FOXJ3: variants seen among roughly 807,000 people sequenced by gnomAD.
FOXJ3 encodes forkhead box J3.
A neutral mutation model predicts 76.1 loss-of-function variants in FOXJ3; 22 were observed. That is an observed-to-expected ratio of 0.29 (90% CI 0.21 to 0.41). The LOEUF (loss-of-function observed/expected upper bound fraction) is 0.41. Ranked by LOEUF, FOXJ3 falls within the 10% of genes least tolerant of loss-of-function variation. FOXJ3 has a pLI of 1.00. For missense variants in FOXJ3, 613 were observed against 762.1 expected, an observed-to-expected ratio of 0.80 and a Z score of 2.30; for synonymous variants, 269 against 261.2, an observed-to-expected ratio of 1.03 and a Z score of -0.29.
chr1:42,243,868 C>A (rs1413337256), intron 4 of FOXJ3, among the ~76,000 whole-genome samples: 2 of 152,158 alleles, frequency 1.3e-5, no homozygotes, highest in African/African-American at 2.4e-5. Flanking sequence ...CTGCAGAATA[C>A]CCGTTGTTCC....
intron 4 of FOXJ3, among the ~76,000 whole-genome samples, chr1:42,235,060 G>C (rs1352227310): frequency 6.6e-6 from 1 of 152,198 alleles, no homozygotes; most frequent in Non-Finnish European, 1.5e-5. Flanking sequence ...CCCAGTTGGA[G>C]CTTCCTGGCC....
intron 3 of FOXJ3, among the ~76,000 whole-genome samples, chr1:42,266,964 A>G (rs1651510958): frequency 1.3e-5 from 2 of 152,032 alleles, no homozygotes; most frequent in African/African-American, 4.8e-5. Context: ...GGAAAAGTAG[A>G]AGCAAATCCC....
In FOXJ3 at chr1:42,324,079, A is replaced by AGTATATACACAGT. The variant is rs1553170565; in HGVS notation, c.-18+10979_-18+10980insACTGTGTATATAC. ...CACTGTATATACACAGTGTATATAT[A>AGTATATACACAGT]GTATATATACTGTATATATACTGTG... On this transcript the variant is annotated intron_variant, in intron 1 of 12. Coordinates refer to ENST00000361346, the MANE Select transcript of FOXJ3 (RefSeq NM_014947.5). Among the ~76,000 whole-genome samples, 413 of 74,226 alleles carry AGTATATACACAGT rather than the reference A, an allele frequency of 5.6e-3. 19 individuals carry two copies. The highest frequency in any genetic ancestry group is 0.024 in the African/African-American group (365 of 15,244). The allele number at this position is 74,226 out of a possible 152,430, so 48.7% of individuals were successfully genotyped here.
intron 1 of FOXJ3, among the ~76,000 whole-genome samples, chr1:42,316,659 G>A (rs1204167696): frequency 6.6e-6 from 1 of 152,124 alleles, no homozygotes. Context: ...TCCTTCATAA[G>A]AATGGAAAAA....
At chr1:42,180,110 A>C (rs1020924235) in intron 12 of FOXJ3, among the ~76,000 whole-genome samples, 2 of 152,198 alleles carry the variant, frequency 1.3e-5, no homozygotes, top group Non-Finnish European at 2.9e-5. Context: ...GGCTGCAGTA[A>C]GGAAGACACG....
Position 42,304,731 on chromosome 1 carries a change from T to C in FOXJ3, c.44+6319A>G, listed in dbSNP as rs1022634579. On this transcript the variant is annotated intron_variant, in intron 2 of 12. Transcript: ENST00000361346. ...CATTAGACCCCTATTCCTTGCCATATACAAAAATCAAACCAAAATGGATTA... is the reference window on the plus strand; with the variant it reads ...CATTAGACCCCTATTCCTTGCCATACACAAAAATCAAACCAAAATGGATTA... Among the ~76,000 whole-genome samples, 5 of 152,156 alleles carry C rather than the reference T, an allele frequency of 3.3e-5. No homozygotes were observed. The East Asian group carries it at 9.6e-4, about 29-fold the overall frequency.
chr1:42,267,774 A>G (rs1204162814), intron 3 of FOXJ3, among the ~76,000 whole-genome samples: 1 of 152,160 alleles, frequency 6.6e-6, no homozygotes, highest in East Asian at 1.9e-4. Context: ...TGTGAAAACT[A>G]AAGAAAGAGA....
chr1:42,195,166 AAAG>A, intron 7 of FOXJ3, 102 bp from the exon 8 acceptor site: 2 of 860,808 alleles, frequency 2.3e-6, no homozygotes, highest in South Asian at 4.4e-5. Flanking sequence ...ATTGGAATTC[AAAG>A]AAAATAACTC....
At chr1:42,264,752 CTG>C (rs1651339684) in intron 4 of FOXJ3, among the ~76,000 whole-genome samples, 1 of 152,184 alleles carries the variant, frequency 6.6e-6, no homozygotes, top group East Asian at 1.9e-4. Context: ...AACAGAGAAA[CTG>C]TTTTATTCCA....
rs978349707 is a variant in FOXJ3 at position 42,230,546 on chromosome 1, A to G, written c.445-2580T>C. ...CATAGTTTGAAGGTAATTTTTTGTA[A>G]TAATTTTAATAATTTTCTGCATGAA... On this transcript the variant is annotated intron_variant, in intron 4 of 12. Coordinates refer to ENST00000361346, the MANE Select transcript of FOXJ3 (RefSeq NM_014947.5). Among the ~76,000 whole-genome samples the G allele has an allele frequency of 4.6e-5, 7 of 152,334 alleles. No homozygotes were observed. The South Asian group carries it at 1.4e-3, about 32-fold the overall frequency.
chr1:42,325,470 G>C (rs1655773423), intron 1 of FOXJ3, among the ~76,000 whole-genome samples: 1 of 152,204 alleles, frequency 6.6e-6, no homozygotes, highest in South Asian at 2.1e-4. Context: ...TGTAGTCTTT[G>C]CTGGCAGGGA....
At chr1:42,260,731 G>A (rs1650969212) in intron 4 of FOXJ3, among the ~76,000 whole-genome samples, 2 of 152,148 alleles carry the variant, frequency 1.3e-5, no homozygotes, top group Non-Finnish European at 2.9e-5. Flanking sequence ...TCTCTTAGCA[G>A]TGAATTTGTT....
chr1:42,189,665 G>C (rs1002662662), intron 9 of FOXJ3: 1 of 348,090 alleles, frequency 2.9e-6, no homozygotes, highest in African/African-American at 2.1e-5. Context: ...ATGAATCTAA[G>C]ACTTGAACCC....
chr1:42,332,158 T>C (rs985428240), intron 1 of FOXJ3, among the ~76,000 whole-genome samples: 3 of 152,252 alleles, frequency 2.0e-5, no homozygotes, highest in Non-Finnish European at 4.4e-5. Context: ...TGATGCACTT[T>C]CTGGTTCTTC....
intron 4 of FOXJ3, among the ~76,000 whole-genome samples, chr1:42,236,397 C>T (rs1344034386): frequency 3.9e-5 from 6 of 152,142 alleles, no homozygotes; most frequent in East Asian, 1.9e-4. Flanking sequence ...GGTCTTGCTA[C>T]GTTGCCCAAG....
At chr1:42,199,028 A>G in intron 7 of FOXJ3, 74 bp downstream of exon 7, 1 of 1,224,372 alleles carries the variant, frequency 8.2e-7, no homozygotes, top group Non-Finnish European at 1.2e-6. Flanking sequence ...TTAAATTTGC[A>G]TTTCAATTAT....
At chr1:42,193,150 A>C (rs796480761) in intron 8 of FOXJ3, among the ~76,000 whole-genome samples, 2 of 152,200 alleles carry the variant, frequency 1.3e-5, no homozygotes, top group African/African-American at 4.8e-5. Context: ...AGTATAATAT[A>C]GTTTTTTTTT....
intron 1 of FOXJ3, among the ~76,000 whole-genome samples, chr1:42,326,334 A>G (rs10493105): frequency 0.039 from 5,935 of 152,340 alleles, 147 homozygotes; most frequent in South Asian, 0.092. Flanking sequence ...TTTGAGTACA[A>G]AAATGATATA....
chr1:42,254,708 G>A (rs1032291018), intron 4 of FOXJ3, among the ~76,000 whole-genome samples: 24 of 136,626 alleles, frequency 1.8e-4, no homozygotes, highest in Admixed American at 6.7e-4. Context: ...GTAAACTATC[G>A]CAAGGACAAA....
Sources: allele counts gnomAD v4.1 joint callset (sites outside exome capture counted in the v4.1 genomes callset), GRCh38; gene constraint gnomAD v4.1.1; transcripts MANE v1.5; gene names NCBI Gene and HGNC (gene_info 2026-07-23, HGNC 2026-07-21).